The following ALPL variants were observed in gnomAD, a reference collection of about 807,000 sequenced individuals.
The protein encoded by ALPL is alkaline phosphatase, biomineralization associated, also known as alkaline phosphatase, tissue-nonspecific isozyme.
A neutral mutation model predicts 51.3 loss-of-function variants in ALPL; 42 were observed. The ratio of observed to expected loss-of-function variants is 0.82; its 90% CI spans 0.64 to 1.06. ALPL has a LOEUF of 1.06. Among genes scored for constraint, ALPL ranks in the 50% least tolerant of loss-of-function variants. The probability of loss-of-function intolerance (pLI) is 0.00; values close to 1 mark genes in which losing one functional copy is unlikely to be tolerated. For synonymous variants in ALPL, 279 were observed against 296.4 expected (o/e 0.94, Z 0.60); for missense variants, 589 against 709.4 (o/e 0.83, Z 1.93).
rs193265937 is a variant in ALPL at position 21,545,570 on chromosome 1, A to C, written c.-104-8408A>C. On this transcript the variant is annotated intron_variant, in intron 1 of 11. Transcript: ENST00000374840. ...CCTCCCAAAGTGCTGGGATTACAGG[A>C]GTGAGCCACCATGCCCAGCCACCAA... Among the ~76,000 whole-genome samples, 873 of 151,614 alleles carry C rather than the reference A, an allele frequency of 5.8e-3. 6 individuals are homozygous for C. The highest frequency in any genetic ancestry group is 0.019 in the African/African-American group (796 of 41,310).
At chr1:21,521,652 C>T (rs867196044) in intron 1 of ALPL, among the ~76,000 whole-genome samples, 3 of 152,302 alleles carry the variant, frequency 2.0e-5, no homozygotes, top group African/African-American at 7.2e-5. Flanking sequence ...ACGAATGCCA[C>T]CAGCTCATAA....
chr1:21,538,175 C>T (rs1400506600), intron 1 of ALPL, among the ~76,000 whole-genome samples: 1 of 152,180 alleles, frequency 6.6e-6, no homozygotes, highest in Non-Finnish European at 1.5e-5. Context: ...AGGCTCTCAC[C>T]AGGATGGTCC....
chr1:21,538,042 G>C (rs952515193), intron 1 of ALPL, among the ~76,000 whole-genome samples: 3 of 152,206 alleles, frequency 2.0e-5, no homozygotes, highest in Admixed American at 2.0e-4. Context: ...GCTTAGAGCA[G>C]TGCCCGGCAC....
At chr1:21,511,737 C>A (rs1304670074) in intron 1 of ALPL, among the ~76,000 whole-genome samples, 1 of 152,214 alleles carries the variant, frequency 6.6e-6, no homozygotes, top group Non-Finnish European at 1.5e-5. Flanking sequence ...GCGCTTCCTG[C>A]CCTCTGCCTG....
At chr1:21,555,290 G>C (rs1488835615) in intron 2 of ALPL, among the ~76,000 whole-genome samples, 1 of 152,206 alleles carries the variant, frequency 6.6e-6, no homozygotes, top group Non-Finnish European at 1.5e-5. Flanking sequence ...AATGTCATCA[G>C]TTAAGGTAGG....
chr1:21,512,736 C>T (rs529169631), intron 1 of ALPL, among the ~76,000 whole-genome samples: 105 of 152,256 alleles, frequency 6.9e-4, no homozygotes, highest in Non-Finnish European at 1.2e-3. Context: ...TCCCAACCCC[C>T]CCGCCAACAC....
chr1:21,572,999 A>G (rs1376919084), intron 8 of ALPL, among the ~76,000 whole-genome samples: 4 of 152,198 alleles, frequency 2.6e-5, no homozygotes, highest in African/African-American at 9.6e-5. Flanking sequence ...CTGGAGGCAG[A>G]CTGACTGATG....
At chr1:21,570,497 C>A in intron 8 of ALPL, 123 bp downstream of exon 8, 1 of 996,750 alleles carries the variant, frequency 1.0e-6, no homozygotes, top group South Asian at 1.4e-5. Flanking sequence ...TGCTCTTGGG[C>A]TTCAGGACCT....
Position 21,564,351 on chromosome 1 carries a change from T to C in ALPL, c.648+135T>C. The stretch of plus-strand genomic sequence containing the variant: ...ACACACCTGGGAGGCTCCCAGCCCA[T>C]TAGGGGATTTGCGGTTGGGCAGGCA... On this transcript the variant is annotated intron_variant, in intron 6 of 11. Coordinates refer to ENST00000374840, the MANE Select transcript of ALPL (RefSeq NM_000478.6). The surrounding 1 kb of genome is among the most constrained non-coding windows in gnomAD (Gnocchi z 5.8). 3 of 1,170,294 alleles carry C rather than the reference T, an allele frequency of 2.6e-6. No homozygotes were observed. In the East Asian group the frequency reaches 7.4e-5, roughly 29 times the overall value. The allele number at this position is 1,170,294 out of a possible 1,614,324, so 72.5% of individuals were successfully genotyped here. A position where few individuals can be genotyped will look rare whatever the true frequency, so the allele number is the denominator to read the frequency against.
intron 7 of ALPL, among the ~76,000 whole-genome samples, chr1:21,569,625 C>T (rs1570288222): frequency 1.3e-5 from 2 of 152,280 alleles, no homozygotes; most frequent in South Asian, 2.1e-4. Flanking sequence ...CTCCCCACAA[C>T]AGCCCCTGAG....
chr1:21,577,877 G>A lies in ALPL; in HGVS notation c.*229G>A, dbSNP rs1480645521. 5 of 614,570 alleles carry A rather than the reference G, an allele frequency of 8.1e-6. No individual in the cohort carries two copies. Among genetic ancestry groups the A allele is most frequent in the African/African-American group, 1.8e-5 (1 of 54,110 alleles). The allele number at this position is 614,570 out of a possible 1,614,324, so 38.1% of individuals were successfully genotyped here. The stretch of plus-strand genomic sequence containing the variant: ...TTTGCTCCCTCCCCGCTGCCCTTTG[G>A]CCAACAGGGTAGATTTCTCTTGGGC... On this transcript the variant is annotated 3_prime_UTR_variant, in exon 12 of 12. Coordinates refer to ENST00000374840, the MANE Select transcript of ALPL (RefSeq NM_000478.6).
rs916464965 is a variant in ALPL, at chr1:21,568,704, G to A, written c.792+457G>A. 2.6e-5 allele frequency among the ~76,000 whole-genome samples: 4 copies of A among 152,224 alleles called. No homozygotes were observed. In the South Asian group the frequency reaches 6.2e-4, roughly 24 times the overall value. ...TAGGAGGATGGAGGGAGGAGGCAGC[G>A]CTGGATGGATCAGGGGAGGACATGG... On this transcript the variant is annotated intron_variant, in intron 7 of 11. Transcript: ENST00000374840.
At chr1:21,542,165 T>C (rs970773953) in intron 1 of ALPL, among the ~76,000 whole-genome samples, 1 of 152,126 alleles carries the variant, frequency 6.6e-6, no homozygotes, top group Non-Finnish European at 1.5e-5. Flanking sequence ...TCCCTATGAC[T>C]CTGCAGCTGA....
chr1:21,523,285 C>G (rs1055858176), intron 1 of ALPL, among the ~76,000 whole-genome samples: 2 of 152,060 alleles, frequency 1.3e-5, no homozygotes, highest in African/African-American at 2.4e-5. Flanking sequence ...GGCGACAGAG[C>G]GAGACTCCAT....
At chr1:21,554,281 G>T in intron 2 of ALPL, 139 bp downstream of exon 2, 2 of 810,704 alleles carry the variant, frequency 2.5e-6, no homozygotes, top group Non-Finnish European at 4.2e-6. Context: ...GGAAACCTCA[G>T]CCCTGCTACT....
chr1:21,511,379 G>A (rs1449097320), intron 1 of ALPL, among the ~76,000 whole-genome samples: 1 of 152,234 alleles, frequency 6.6e-6, no homozygotes, highest in South Asian at 2.1e-4. Context: ...CCCATAAGCT[G>A]TGGAGATCAA....
At chr1:21,574,294 G>C (rs1211146131) in intron 9 of ALPL, 1 of 758,520 alleles carries the variant, frequency 1.3e-6, no homozygotes, top group Non-Finnish European at 1.6e-6. Flanking sequence ...GCCAAAAATA[G>C]CATCTGTCTC....
At position 21,575,932 on chromosome 1, in the gene ALPL, G is replaced by T. The variant is rs1644724696; in HGVS notation, c.1189+8G>T. ...GTGGCAACTCTATCTTTGGTAGGTG[G>T]GCCTTCTTTGGGGTGGACACTCCTG... On this transcript the variant is annotated splice_region_variant and intron_variant, in intron 10 of 11. Coordinates refer to ENST00000374840, the MANE Select transcript of ALPL (RefSeq NM_000478.6). The T allele has an allele frequency of 6.2e-7, 1 of 1,614,078 alleles. No individual in the cohort carries two copies. The highest frequency in any genetic ancestry group is 1.1e-5 in the South Asian group (1 of 91,086).
intron 1 of ALPL, among the ~76,000 whole-genome samples, chr1:21,524,720 G>A (rs1643919080): frequency 1.3e-5 from 2 of 152,276 alleles, no homozygotes; most frequent in African/African-American, 4.8e-5. Flanking sequence ...TCTGGGGAGG[G>A]GGAGCAAGGC....
Sources: allele counts gnomAD v4.1 joint callset (sites outside exome capture counted in the v4.1 genomes callset), GRCh38; gene constraint gnomAD v4.1.1; non-coding constraint Gnocchi (gnomAD v3.1); transcripts MANE v1.5; gene names NCBI Gene and HGNC (gene_info 2026-07-23, HGNC 2026-07-21).